The following SH3GL3 variants were observed in gnomAD, a reference collection of about 807,000 sequenced individuals.
SH3GL3 encodes the protein SH3 domain containing GRB2 like 3, endophilin A3.
Under a neutral mutation model 47.7 loss-of-function variants are expected in SH3GL3, and 33 were observed. The ratio of observed to expected loss-of-function variants is 0.69; its 90% CI spans 0.52 to 0.92. The LOEUF is 0.92. Among genes scored for constraint, SH3GL3 ranks in the 40% least tolerant of loss-of-function variants. The pLI is 0.00. For missense variants in SH3GL3, 363 were observed against 417.8 expected (o/e 0.87, Z 1.14); for synonymous variants, 155 against 148.8 (o/e 1.04, Z -0.30).
At chr15:83,582,438 G>A (rs550594600) in intron 6 of SH3GL3, among the ~76,000 whole-genome samples, 2 of 152,232 alleles carry the variant, frequency 1.3e-5, no homozygotes, top group South Asian at 2.1e-4. Context: ...TGGGATGTTA[G>A]TGTGTTTTGC....
intron 1 of SH3GL3, among the ~76,000 whole-genome samples, chr15:83,465,630 G>A (rs1236922147): frequency 6.6e-6 from 1 of 151,950 alleles, no homozygotes; most frequent in Non-Finnish European, 1.5e-5. Context: ...TCATAGCACA[G>A]ATTAAGGTCT....
chr15:83,554,976 G>GT (rs1362475186), intron 1 of SH3GL3, among the ~76,000 whole-genome samples: 1 of 151,826 alleles, frequency 6.6e-6, no homozygotes, highest in Admixed American at 6.6e-5. Flanking sequence ...ATATTCTGTT[G>GT]TTTTTTTCTG....
At chr15:83,492,952 G>A (rs906080891) in intron 1 of SH3GL3, among the ~76,000 whole-genome samples, 1 of 152,218 alleles carries the variant, frequency 6.6e-6, no homozygotes, top group Non-Finnish European at 1.5e-5. Context: ...ACCAAAGTAG[G>A]ACAGGGACAA....
At chr15:83,558,871 T>A (rs2045100252) in intron 1 of SH3GL3, among the ~76,000 whole-genome samples, 1 of 152,240 alleles carries the variant, frequency 6.6e-6, no homozygotes, top group African/African-American at 2.4e-5. Flanking sequence ...TCATTTACAG[T>A]AATTTGTCTC....
chr15:83,575,124 T>C (rs1156805197), intron 5 of SH3GL3, among the ~76,000 whole-genome samples: 1 of 152,224 alleles, frequency 6.6e-6, no homozygotes, highest in Non-Finnish European at 1.5e-5. Flanking sequence ...TTTTTGCAAA[T>C]TATTTTTGAA....
intron 1 of SH3GL3, among the ~76,000 whole-genome samples, chr15:83,551,867 T>A (rs2044687076): frequency 6.6e-6 from 1 of 152,160 alleles, no homozygotes; most frequent in Non-Finnish European, 1.5e-5. Context: ...GTGTAGATAA[T>A]CATTACTGAT....
At chr15:83,460,247 G>C (rs2040227186) in intron 1 of SH3GL3, among the ~76,000 whole-genome samples, 1 of 151,238 alleles carries the variant, frequency 6.6e-6, no homozygotes, top group Non-Finnish European at 1.5e-5. Context: ...ATTAAAGACG[G>C]ATGCTGCCAC....
chr15:83,476,865 T>C (rs1304237749), intron 1 of SH3GL3, among the ~76,000 whole-genome samples: 1 of 152,270 alleles, frequency 6.6e-6, no homozygotes, highest in Non-Finnish European at 1.5e-5. Flanking sequence ...TATGGCGGTA[T>C]GCATGTTTCT....
intron 1 of SH3GL3, among the ~76,000 whole-genome samples, chr15:83,458,540 T>A (rs2040112978): frequency 6.6e-6 from 1 of 152,254 alleles, no homozygotes; most frequent in South Asian, 2.1e-4. Flanking sequence ...TCAGGCTGGA[T>A]AACTTGAGTC....
At chr15:83,500,665 G>A (rs552109432) in intron 1 of SH3GL3, among the ~76,000 whole-genome samples, 1 of 152,260 alleles carries the variant, frequency 6.6e-6, no homozygotes, top group Non-Finnish European at 1.5e-5. Context: ...ATGGCACTGG[G>A]CAGATCAATT....
chr15:83,547,123 T>C (rs1457795901), intron 1 of SH3GL3, among the ~76,000 whole-genome samples: 2 of 152,230 alleles, frequency 1.3e-5, no homozygotes, highest in Non-Finnish European at 2.9e-5. Flanking sequence ...CACCAGTATT[T>C]GTCCAGGAAT....
At chr15:83,553,029 G>C (rs1406511304) in intron 1 of SH3GL3, among the ~76,000 whole-genome samples, 1 of 152,092 alleles carries the variant, frequency 6.6e-6, no homozygotes, top group African/African-American at 2.4e-5. Flanking sequence ...CACTTTAGGA[G>C]GTGGAGGCAG....
intron 1 of SH3GL3, chr15:83,490,682 T>C: frequency 7.8e-7 from 1 of 1,275,760 alleles, no homozygotes; most frequent in South Asian, 1.4e-5. Flanking sequence ...CACCTGCACA[T>C]CAGGGAAAAC....
chr15:83,453,471 G>GT (rs1175832778), intron 1 of SH3GL3, among the ~76,000 whole-genome samples: 2 of 136,812 alleles, frequency 1.5e-5, no homozygotes, highest in Non-Finnish European at 3.1e-5. Context: ...ACTGATTATT[G>GT]CCACAATTTC....
At chr15:83,456,772 C>T (rs1047609934) in intron 1 of SH3GL3, among the ~76,000 whole-genome samples, 3 of 151,746 alleles carry the variant, frequency 2.0e-5, no homozygotes, top group East Asian at 2.0e-4. Flanking sequence ...CCGTCTTCTG[C>T]GTCGCTCACG....
At chr15:83,460,134 T>A (rs997996398) in intron 1 of SH3GL3, among the ~76,000 whole-genome samples, 8 of 142,348 alleles carry the variant, frequency 5.6e-5, no homozygotes, top group African/African-American at 2.0e-4. Flanking sequence ...AGGGTCTTGC[T>A]GTGTCACCCA....
At chr15:83,528,214 C>T (rs944832199) in intron 1 of SH3GL3, among the ~76,000 whole-genome samples, 1 of 152,100 alleles carries the variant, frequency 6.6e-6, no homozygotes, top group Admixed American at 6.5e-5. Context: ...ATGCTTTTCT[C>T]TTGATGTTTT....
intron 1 of SH3GL3, among the ~76,000 whole-genome samples, chr15:83,504,494 C>T (rs953352521): frequency 6.6e-6 from 1 of 152,210 alleles, no homozygotes; most frequent in African/African-American, 2.4e-5. Flanking sequence ...CTGTGGCTCC[C>T]ATCTTGGGCT....
intron 1 of SH3GL3, among the ~76,000 whole-genome samples, chr15:83,544,713 T>C (rs1224995793): frequency 6.6e-6 from 1 of 152,152 alleles, no homozygotes; most frequent in African/African-American, 2.4e-5. Context: ...GGTCTGATGT[T>C]GATGAAATAC....
Sources: allele counts gnomAD v4.1 joint callset (sites outside exome capture counted in the v4.1 genomes callset), GRCh38; gene constraint gnomAD v4.1.1; transcripts MANE v1.5; gene names NCBI Gene and HGNC (gene_info 2026-07-23, HGNC 2026-07-21).